Variants in PCDH15 observed in about 807,000 individuals in gnomAD.
PCDH15 encodes the protein protocadherin-15.
Under a neutral mutation model 178.5 loss-of-function variants are expected in PCDH15, and 129 were observed. That is an observed-to-expected ratio of 0.72 (90% confidence interval 0.63 to 0.84). The LOEUF is 0.84. Among genes scored for constraint, PCDH15 ranks in the 40% least tolerant of loss-of-function variants. The pLI, the probability that PCDH15 is intolerant of heterozygous loss-of-function variation, is 0.00. For missense variants in PCDH15, 2,230 were observed against 2,099.9 expected (o/e 1.06, Z -1.21); for synonymous variants, 800 against 732.0 (o/e 1.09, Z -1.50).
intron 2 of PCDH15, among the ~76,000 whole-genome samples, chr10:55,452,225 G>C (rs1300068324): frequency 1.1e-5 from 1 of 91,028 alleles, no homozygotes; most frequent in Non-Finnish European, 2.0e-5. Flanking sequence ...TTTTATGAGT[G>C]CCTCTTAAAA....
chr10:54,876,716 T>C (rs931121311), intron 3 of PCDH15, among the ~76,000 whole-genome samples: 4 of 152,210 alleles, frequency 2.6e-5, no homozygotes, highest in African/African-American at 9.6e-5. Context: ...TGCCATCTTA[T>C]ATAAAACTTG....
intron 1 of PCDH15, among the ~76,000 whole-genome samples, chr10:55,247,519 G>A (rs1314532663): frequency 6.6e-6 from 1 of 152,100 alleles, no homozygotes; most frequent in Non-Finnish European, 1.5e-5. Context: ...CAAACTGATA[G>A]CTGAGTTAAA....
At position 54,132,880 on chromosome 10, in the gene PCDH15, G is replaced by T. The variant is rs763230126; in HGVS notation, c.1912C>A (p.Leu638Ile). Reference sequence around the variant, plus strand: ...ACACACACCAAGGAACATACCTGTAGATTTAATAAAACAGCACCAACCCTC... The same window carrying T: ...ACACACACCAAGGAACATACCTGTATATTTAATAAAACAGCACCAACCCTC... ...AMRVGAVLLN[L>I]QATDREGDSI... Residue 638 changes from leucine to isoleucine, a missense_variant, in exon 15 of 38, where the codon CTA (leucine) becomes ATA (isoleucine). Leu to Ile is a conservative substitution (Grantham distance 5). Transcript: ENST00000644397. 6 of 1,611,898 alleles carry T rather than the reference G, an allele frequency of 3.7e-6. No individual in the cohort carries two copies. The highest frequency in any genetic ancestry group is 5.1e-6 in the Non-Finnish European group (6 of 1,178,974).
intron 16 of PCDH15, among the ~76,000 whole-genome samples, chr10:54,084,156 G>A (rs965178832): frequency 2.0e-5 from 3 of 150,826 alleles, no homozygotes; most frequent in Admixed American, 6.6e-5. Context: ...CATGATCTCC[G>A]CTCACTGCAA....
chr10:55,254,019 A>G (rs1841920597), intron 1 of PCDH15, among the ~76,000 whole-genome samples: 1 of 152,182 alleles, frequency 6.6e-6, no homozygotes, highest in Admixed American at 6.5e-5. Flanking sequence ...TTAGTATCTC[A>G]GCATCTTTTA....
intron 2 of PCDH15, among the ~76,000 whole-genome samples, chr10:54,544,959 A>G (rs562218041): frequency 8.2e-4 from 125 of 152,246 alleles, no homozygotes; most frequent in African/African-American, 2.8e-3. Context: ...AAATTTTTCA[A>G]TTATCATAAT....
chr10:53,884,054 A>G (rs1038242021), intron 26 of PCDH15, among the ~76,000 whole-genome samples: 1 of 152,176 alleles, frequency 6.6e-6, no homozygotes, highest in Non-Finnish European at 1.5e-5. Context: ...AAACAAAACA[A>G]ACTGGTTTGT....
At chr10:54,223,209 C>T (rs773874165) in intron 9 of PCDH15, among the ~76,000 whole-genome samples, 1 of 147,130 alleles carries the variant, frequency 6.8e-6, no homozygotes, top group Admixed American at 7.0e-5. Context: ...ACTCGAGAGG[C>T]TGAGGGAGGA....
rs137982470 is a variant in PCDH15, at chr10:54,940,793, G to A, written c.-79-43293C>T. On this transcript the variant is annotated intron_variant, in intron 2 of 5. Coordinates refer to the PCDH15 transcript ENST00000458638. ...TTAGAAAGTTTTCATCTTTATCTGC[G>A]GTAATTAAAAAAAAACTTTTTATAG... Among the ~76,000 whole-genome samples the A allele has an allele frequency of 1.3e-3, 157 of 124,202 alleles. 3 individuals carry two copies. The highest frequency in any genetic ancestry group is 5.0e-3 in the Middle Eastern group (1 of 202). 81.5% of individuals were successfully genotyped at this position (124,202 alleles called of 152,430 possible).
intron 2 of PCDH15, among the ~76,000 whole-genome samples, chr10:54,992,716 C>T (rs1423093935): frequency 6.6e-6 from 1 of 150,926 alleles, no homozygotes; most frequent in African/African-American, 2.4e-5. Context: ...GATCAGGCCA[C>T]TGCACTCCAG....
intron 1 of PCDH15, among the ~76,000 whole-genome samples, chr10:55,244,763 A>C (rs1256891159): frequency 1.3e-5 from 2 of 151,554 alleles, no homozygotes; most frequent in Non-Finnish European, 2.9e-5. Flanking sequence ...AATTTCTATT[A>C]GAAAATTATT....
Position 55,016,595 on chromosome 10 carries a change from T to C in PCDH15, c.-79-119095A>G, listed in dbSNP as rs144022586. On this transcript the variant is annotated intron_variant, in intron 2 of 5. Transcript: ENST00000458638. ...AATGACAAGATCTCGTTCTTTCTTG[T>C]GGTTGAGTAGTACTTCATTGTGTAT... Among the ~76,000 whole-genome samples, 848 of 152,320 alleles carry C rather than the reference T, an allele frequency of 5.6e-3. 4 individuals are homozygous for C. Among genetic ancestry groups the C allele is most frequent in the African/African-American group, 0.019 (796 of 41,570 alleles).
At chr10:54,329,821 A>G (rs1939066568) in intron 6 of PCDH15, 115 bp from the exon 7 acceptor site, 5 of 758,994 alleles carry the variant, frequency 6.6e-6, no homozygotes, top group Non-Finnish European at 1.2e-5. Context: ...TCATCTGAAA[A>G]TAGAATGACT....
intron 1 of PCDH15, among the ~76,000 whole-genome samples, chr10:54,768,893 T>C (rs985649495): frequency 1.3e-5 from 2 of 152,092 alleles, no homozygotes; most frequent in African/African-American, 4.8e-5. Context: ...ATAGTTTTAG[T>C]TTGAAACCTA....
At chr10:53,970,905 T>C (rs904993068) in intron 21 of PCDH15, among the ~76,000 whole-genome samples, 2 of 152,098 alleles carry the variant, frequency 1.3e-5, no homozygotes, top group African/African-American at 2.4e-5. Context: ...TTCCAGTCAA[T>C]AGAAAAAGAA....
intron 2 of PCDH15, among the ~76,000 whole-genome samples, chr10:55,520,523 G>GTATATA (rs149714731): frequency 2.1e-5 from 3 of 145,428 alleles, no homozygotes; most frequent in Non-Finnish European, 4.5e-5. Context: ...GTGTGTGTGT[G>GTATATA]TATATATATA....
intron 3 of PCDH15, among the ~76,000 whole-genome samples, chr10:54,867,038 C>T (rs2061049): frequency 0.34 from 52,405 of 151,976 alleles, 9,610 homozygotes; most frequent in East Asian, 0.69. Context: ...AGACTTTCTG[C>T]TTATCAAAAA....
Position 54,282,968 on chromosome 10 carries a change from AAAG to A in PCDH15, c.876+34300_876+34302del, listed in dbSNP as rs1233572539. Reference sequence around the variant, plus strand: ...ACAAACAATTTGAAAAAATAGTTGAAAAGAAGAATTCAGTAGGTAAAGTTAAAA... The same window carrying A: ...ACAAACAATTTGAAAAAATAGTTGAAAAGAATTCAGTAGGTAAAGTTAAAA... On this transcript the variant is annotated intron_variant, in intron 8 of 37. Coordinates refer to ENST00000644397, the MANE Select transcript of PCDH15 (RefSeq NM_001384140.1). Among the ~76,000 whole-genome samples, 6 of 152,260 alleles carry A rather than the reference AAAG, an allele frequency of 3.9e-5. No homozygotes were observed. In the South Asian group the frequency reaches 1.2e-3, roughly 32 times the overall value.
chr10:53,901,888 T>C (rs1049795480), intron 26 of PCDH15, among the ~76,000 whole-genome samples: 6 of 152,212 alleles, frequency 3.9e-5, no homozygotes, highest in Non-Finnish European at 5.9e-5. Flanking sequence ...CTTATCAAAC[T>C]TTTTTGTTTC....
Sources: allele counts gnomAD v4.1 joint callset (sites outside exome capture counted in the v4.1 genomes callset), GRCh38; gene constraint gnomAD v4.1.1; transcripts MANE v1.5; gene names NCBI Gene and HGNC (gene_info 2026-07-23, HGNC 2026-07-21).